Variants in NAV2 observed in about 807,000 individuals in gnomAD.
The protein encoded by NAV2 is helicase, APC down-regulated 1.
NAV2 carries 54 observed loss-of-function variants against 223.2 expected under a neutral mutation model. The observed-to-expected ratio is 0.24, with a 90% CI of 0.19 to 0.30. The LOEUF (loss-of-function observed/expected upper bound fraction) is 0.30. Ranked by LOEUF, NAV2 falls within the 10% of genes least tolerant of loss-of-function variation. NAV2 has a pLI of 1.00. For missense variants in NAV2, 2,806 were observed against 3,147.5 expected (o/e 0.89, Z 2.60); for synonymous variants, 1,279 against 1,239.3 (o/e 1.03, Z -0.67).
At chr11:20,033,754 A>G (rs1185594157) in intron 11 of NAV2, among the ~76,000 whole-genome samples, 2 of 152,240 alleles carry the variant, frequency 1.3e-5, no homozygotes, top group African/African-American at 2.4e-5. Context: ...CTGCCTGATC[A>G]GCAGAGCTCA....
intron 11 of NAV2, among the ~76,000 whole-genome samples, chr11:20,008,933 C>T (rs1320114147): frequency 6.6e-6 from 1 of 152,134 alleles, no homozygotes; most frequent in Non-Finnish European, 1.5e-5. Flanking sequence ...ATTGTTGCTG[C>T]TTTTGTTTTT....
At chr11:19,598,637 C>T (rs1465017228) in intron 1 of NAV2, among the ~76,000 whole-genome samples, 1 of 152,182 alleles carries the variant, frequency 6.6e-6, no homozygotes, top group East Asian at 1.9e-4. Context: ...CCCTCATTTG[C>T]AGATGAGGAA....
chr11:19,474,520 G>T (rs1240177824), intron 1 of NAV2, among the ~76,000 whole-genome samples: 1 of 152,226 alleles, frequency 6.6e-6, no homozygotes, highest in Non-Finnish European at 1.5e-5. Context: ...AGGCTACTGT[G>T]GGCGCTGATG....
chr11:19,704,935 C>T (rs1198189381), intron 1 of NAV2, among the ~76,000 whole-genome samples: 4 of 147,316 alleles, frequency 2.7e-5, no homozygotes, highest in African/African-American at 1.0e-4. Flanking sequence ...GGCGTGAACC[C>T]GGGAGGCGGA....
chr11:19,495,511 T>C (rs2134108656), intron 1 of NAV2, among the ~76,000 whole-genome samples: 1 of 152,332 alleles, frequency 6.6e-6, no homozygotes, highest in Admixed American at 6.5e-5. Flanking sequence ...ATACATTGCC[T>C]AACACCTCTA....
intron 32 of NAV2, 71 bp from the exon 33 acceptor site, chr11:20,103,184 G>A (rs1405577982): frequency 6.7e-7 from 1 of 1,483,754 alleles, no homozygotes; most frequent in Non-Finnish European, 9.2e-7. Flanking sequence ...TGAGGCAAAG[G>A]CCCTGAGCGG....
chr11:19,406,668 T>A (rs1018974369), intron 1 of NAV2, among the ~76,000 whole-genome samples: 1 of 152,148 alleles, frequency 6.6e-6, no homozygotes, highest in Admixed American at 6.5e-5. Flanking sequence ...TTAACTAAGC[T>A]TTTTGTTCTC....
At position 20,066,078 on chromosome 11, in the gene NAV2, C is replaced by T. The variant is rs146757435; in HGVS notation, c.4885-2108C>T. 2.0e-3 allele frequency among the ~76,000 whole-genome samples: 308 copies of T among 152,304 alleles called. 1 individual carries two copies. The highest frequency in any genetic ancestry group is 3.4e-3 in the Middle Eastern group (1 of 294). On this transcript the variant is annotated intron_variant, in intron 20 of 37. Coordinates refer to ENST00000349880, the MANE Select transcript of NAV2 (RefSeq NM_145117.5). Reference sequence around the variant, plus strand: ...GAAAGCAATAGTATTAGTACCTCCTCAAAGAGTTGTTAAAAGGATTAGATG... The same window carrying T: ...GAAAGCAATAGTATTAGTACCTCCTTAAAGAGTTGTTAAAAGGATTAGATG...
chr11:19,443,441 A>C (rs1449209139), intron 1 of NAV2, among the ~76,000 whole-genome samples: 1 of 152,096 alleles, frequency 6.6e-6, no homozygotes, highest in Admixed American at 6.5e-5. Context: ...GCCATGGACC[A>C]CTCTGAGATA....
intron 1 of NAV2, among the ~76,000 whole-genome samples, chr11:19,700,224 A>G (rs1282819390): frequency 6.6e-6 from 1 of 152,214 alleles, no homozygotes; most frequent in Non-Finnish European, 1.5e-5. Flanking sequence ...CCTATGAGGG[A>G]GGGACTGTTA....
chr11:19,696,703 A>T (rs2049351974), intron 1 of NAV2, among the ~76,000 whole-genome samples: 1 of 152,226 alleles, frequency 6.6e-6, no homozygotes, highest in African/African-American at 2.4e-5. Flanking sequence ...AGAATTATTC[A>T]TCCACTCAAA....
intron 1 of NAV2, among the ~76,000 whole-genome samples, chr11:19,502,033 AC>A (rs1269754136): frequency 1.3e-5 from 2 of 152,066 alleles, no homozygotes; most frequent in East Asian, 1.9e-4. Flanking sequence ...TTTAGAAATT[AC>A]TCATGGTGGA....
intron 11 of NAV2, among the ~76,000 whole-genome samples, chr11:20,018,395 C>G (rs1373888122): frequency 6.9e-6 from 1 of 144,490 alleles, no homozygotes; most frequent in African/African-American, 2.6e-5. Context: ...AGTGGTATTA[C>G]AAAACTCAGA....
At chr11:19,891,329 C>A (rs984727869) in intron 5 of NAV2, among the ~76,000 whole-genome samples, 4 of 152,156 alleles carry the variant, frequency 2.6e-5, no homozygotes, top group African/African-American at 4.8e-5. Flanking sequence ...AACATTTCAT[C>A]ATTTATTCAT....
intron 1 of NAV2, among the ~76,000 whole-genome samples, chr11:19,581,301 C>A (rs2045710587): frequency 6.6e-6 from 1 of 152,152 alleles, no homozygotes; most frequent in African/African-American, 2.4e-5. Flanking sequence ...TAACGATTAG[C>A]ACTCTTTGTA....
intron 1 of NAV2, among the ~76,000 whole-genome samples, chr11:19,719,738 G>A (rs2050610833): frequency 1.3e-5 from 2 of 152,184 alleles, no homozygotes. Flanking sequence ...GGGCATAGCA[G>A]GGCTTTGGTT....
At chr11:19,704,760 C>A (rs1206221519) in intron 1 of NAV2, among the ~76,000 whole-genome samples, 2 of 152,056 alleles carry the variant, frequency 1.3e-5, no homozygotes, top group Admixed American at 1.3e-4. Context: ...CGCCTGTAAT[C>A]CCAGCACTTG....
intron 10 of NAV2, among the ~76,000 whole-genome samples, chr11:19,967,495 A>G (rs1428019214): frequency 6.6e-6 from 1 of 152,202 alleles, no homozygotes; most frequent in Non-Finnish European, 1.5e-5. Flanking sequence ...CTTGGCATGG[A>G]AAGTACTTAG....
intron 1 of NAV2, among the ~76,000 whole-genome samples, chr11:19,376,104 A>G (rs1335360397): frequency 6.6e-6 from 1 of 152,354 alleles, no homozygotes. Context: ...GATATGTCGC[A>G]GGGAAAAGGC....
Sources: allele counts gnomAD v4.1 joint callset (sites outside exome capture counted in the v4.1 genomes callset), GRCh38; gene constraint gnomAD v4.1.1; transcripts MANE v1.5; gene names NCBI Gene and HGNC (gene_info 2026-07-23, HGNC 2026-07-21).